Variants in THSD7A observed in about 807,000 individuals in gnomAD.
THSD7A encodes thrombospondin type-1 domain-containing protein 7A.
THSD7A carries 96 observed loss-of-function variants against 231.3 expected under a neutral mutation model. The observed-to-expected ratio is 0.41, with a 90% CI of 0.35 to 0.49. The LOEUF (loss-of-function observed/expected upper bound fraction) is 0.49. Ranked by LOEUF, THSD7A falls within the 20% of genes least tolerant of loss-of-function variation. The pLI, the probability that THSD7A is intolerant of heterozygous loss-of-function variation, is 0.05. For missense variants in THSD7A, 2,290 were observed against 2,070.2 expected (o/e 1.11, Z -2.06); for synonymous variants, 940 against 743.3 (o/e 1.26, Z -4.30).
At chr7:11,809,913 G>C (rs1784485806) in intron 1 of THSD7A, among the ~76,000 whole-genome samples, 1 of 152,104 alleles carries the variant, frequency 6.6e-6, no homozygotes, top group South Asian at 2.1e-4. Flanking sequence ...TGGGGCTCAA[G>C]TTGAAGGTAG....
At chr7:11,564,249 A>G (rs1185767018) in intron 4 of THSD7A, among the ~76,000 whole-genome samples, 2 of 152,268 alleles carry the variant, frequency 1.3e-5, no homozygotes, top group Admixed American at 1.3e-4. Flanking sequence ...TAACTTCCCA[A>G]TTATGGGTGT....
At chr7:11,801,109 C>T (rs1386326358) in intron 1 of THSD7A, among the ~76,000 whole-genome samples, 1 of 151,984 alleles carries the variant, frequency 6.6e-6, no homozygotes, top group Non-Finnish European at 1.5e-5. Context: ...CAAGACCAGC[C>T]TCGGCAACAA....
intron 2 of THSD7A, among the ~76,000 whole-genome samples, chr7:11,609,006 A>C (rs1223338257): frequency 6.6e-6 from 1 of 152,130 alleles, no homozygotes; most frequent in Non-Finnish European, 1.5e-5. Context: ...TATAGCTCCA[A>C]ACCAAGTATT....
intron 1 of THSD7A, among the ~76,000 whole-genome samples, chr7:11,764,569 C>CAAAAAA (rs11423096): frequency 9.4e-6 from 1 of 106,330 alleles, no homozygotes; most frequent in African/African-American, 3.5e-5. Flanking sequence ...GACTCCGTCT[C>CAAAAAA]AAAAAAAAAA....
intron 4 of THSD7A, among the ~76,000 whole-genome samples, chr7:11,570,263 A>G (rs1254035216): frequency 6.6e-6 from 1 of 152,184 alleles, no homozygotes; most frequent in African/African-American, 2.4e-5. Context: ...GACAAATAAC[A>G]CATGTTCTCA....
rs765961316 is a variant in THSD7A, at chr7:11,825,030, T to C, written c.190+6727A>G. On this transcript the variant is annotated intron_variant, in intron 1 of 27. Transcript: ENST00000423059. ...ATAAGTGCCAAACTAATAAAAAATA[T>C]GTCTATAATACAATAATTTTTCTAT... Among the ~76,000 whole-genome samples, 35 of 151,996 alleles carry C rather than the reference T, an allele frequency of 2.3e-4. 1 individual carries two copies. The South Asian group carries it at 5.6e-3, about 24-fold the overall frequency.
At chr7:11,564,955 A>G (rs1486727342) in intron 4 of THSD7A, among the ~76,000 whole-genome samples, 1 of 152,166 alleles carries the variant, frequency 6.6e-6, no homozygotes, top group African/African-American at 2.4e-5. Context: ...AATTTCACAA[A>G]TTGTATCAAC....
chr7:11,593,644 T>G (rs1267424863), intron 2 of THSD7A, 142 bp from the exon 3 acceptor site: 5 of 1,007,566 alleles, frequency 5.0e-6, no homozygotes, highest in Non-Finnish European at 5.8e-6. Context: ...TACATCAACA[T>G]TTATGATGTG....
At position 11,590,734 on chromosome 7, in the gene THSD7A, T is replaced by A. The variant is rs1266376062; in HGVS notation, c.1272-93A>T. On this transcript the variant is annotated intron_variant, in intron 3 of 27. Coordinates refer to ENST00000423059, the MANE Select transcript of THSD7A (RefSeq NM_015204.3). The surrounding 1 kb of genome is among the most constrained non-coding windows in gnomAD (Gnocchi z 4.4). The stretch of plus-strand genomic sequence containing the variant: ...TACTTTGTTTTAACGAAAATTAGTC[T>A]CAAAATCATTTTCCTAGAGAATCCA... The A allele has an allele frequency of 7.3e-7, 1 of 1,375,300 alleles. No individual in the cohort carries two copies. Among genetic ancestry groups the A allele is most frequent in the Non-Finnish European group, 9.7e-7 (1 of 1,027,724 alleles). The allele number at this position is 1,375,300 out of a possible 1,614,324, so 85.2% of individuals were successfully genotyped here.
intron 1 of THSD7A, among the ~76,000 whole-genome samples, chr7:11,808,383 A>G (rs1047857112): frequency 1.3e-5 from 2 of 152,116 alleles, no homozygotes; most frequent in Non-Finnish European, 2.9e-5. Flanking sequence ...CCTCACCTTC[A>G]GAGAGTGCAG....
intron 4 of THSD7A, among the ~76,000 whole-genome samples, chr7:11,550,395 G>A: frequency 6.6e-6 from 1 of 152,020 alleles, no homozygotes; most frequent in Non-Finnish European, 1.5e-5. Flanking sequence ...GTTTTTTTCT[G>A]TGTCCCCACC....
intron 1 of THSD7A, among the ~76,000 whole-genome samples, chr7:11,758,038 T>TATAA (rs1554274392): frequency 1.4e-5 from 2 of 144,656 alleles, no homozygotes; most frequent in Non-Finnish European, 3.0e-5. Context: ...TATATATATA[T>TATAA]AATGTTTCAC....
intron 4 of THSD7A, among the ~76,000 whole-genome samples, chr7:11,577,811 A>G (rs941607906): frequency 6.6e-6 from 1 of 151,920 alleles, no homozygotes; most frequent in African/African-American, 2.4e-5. Context: ...AGAGTAACCT[A>G]ACAATCCGAG....
chr7:11,746,725 C>T (rs1221989992), intron 1 of THSD7A, among the ~76,000 whole-genome samples: 2 of 151,800 alleles, frequency 1.3e-5, no homozygotes, highest in East Asian at 3.9e-4. Flanking sequence ...GTAATATTTG[C>T]CAGGATATTC....
chr7:11,520,481 G>A (rs1788217356), intron 6 of THSD7A, among the ~76,000 whole-genome samples: 1 of 151,980 alleles, frequency 6.6e-6, no homozygotes, highest in African/African-American at 2.4e-5. Context: ...TATCTCTTAT[G>A]CATATACTGT....
In THSD7A at chr7:11,379,446, A is replaced by C. The variant is rs765885870; in HGVS notation, c.4591-166T>G. 29 of 869,776 alleles carry C rather than the reference A, an allele frequency of 3.3e-5. 1 individual carries two copies. Among genetic ancestry groups the C allele is most frequent in the Non-Finnish European group, 5.1e-5 (29 of 568,196 alleles). The allele number at this position is 869,776 out of a possible 1,614,324, so 53.9% of individuals were successfully genotyped here. A position where few individuals can be genotyped will look rare whatever the true frequency, so the allele number is the denominator to read the frequency against. ...AGAAACATACTTTTGGCATTATATG[A>C]AAATGTATTCTAAAGGTGAAAGCAA... On this transcript the variant is annotated intron_variant, in intron 25 of 27. Transcript: ENST00000423059.
chr7:11,719,938 T>C (rs556704159), intron 1 of THSD7A, among the ~76,000 whole-genome samples: 2 of 150,270 alleles, frequency 1.3e-5, no homozygotes, highest in East Asian at 4.0e-4. Context: ...TATAACTCTG[T>C]ATTATCTGTC....
At chr7:11,820,339 T>C (rs1229687675) in intron 1 of THSD7A, 2 of 955,312 alleles carry the variant, frequency 2.1e-6, no homozygotes, top group African/African-American at 1.7e-5. Context: ...GGGCTGTAAA[T>C]TGTCCTTCTC....
At chr7:11,547,273 A>C (rs1343012920) in intron 4 of THSD7A, among the ~76,000 whole-genome samples, 5 of 152,214 alleles carry the variant, frequency 3.3e-5, no homozygotes, top group African/African-American at 1.2e-4. Flanking sequence ...TAGCCAATAT[A>C]ATGACAGAAT....
Sources: allele counts gnomAD v4.1 joint callset (sites outside exome capture counted in the v4.1 genomes callset), GRCh38; gene constraint gnomAD v4.1.1; non-coding constraint Gnocchi (gnomAD v3.1); transcripts MANE v1.5; gene names NCBI Gene and HGNC (gene_info 2026-07-23, HGNC 2026-07-21).